Variants in SLC19A1 observed in about 807,000 individuals in gnomAD.
SLC19A1 encodes the protein reduced folate transporter.
A neutral mutation model predicts 35.3 loss-of-function variants in SLC19A1; 37 were observed. The ratio of observed to expected loss-of-function variants is 1.05; its 90% CI spans 0.81 to 1.38. SLC19A1 has a LOEUF of 1.38. Among genes scored for constraint, SLC19A1 ranks in the 40% most tolerant of loss-of-function variants. The probability of loss-of-function intolerance (pLI) is 0.00; values close to 1 mark genes in which losing one functional copy is unlikely to be tolerated. For synonymous variants in SLC19A1, 460 were observed against 398.5 expected, an observed-to-expected ratio of 1.15 and a Z score of -1.84; for missense variants, 831 against 826.9, an observed-to-expected ratio of 1.00 and a Z score of -0.06.
At chr21:45,512,298 CGCT>C, downstream of SLC19A1, 1 of 1,612,272 alleles carries the variant, frequency 6.2e-7, no homozygotes, top group Non-Finnish European at 8.5e-7. Context: ...CAGGCCTCCT[CGCT>C]GCTGGGGGGC....
chr21:45,557,490 G>A (rs2078574776), intron 1 of SLC19A1, among the ~76,000 whole-genome samples: 1 of 152,190 alleles, frequency 6.6e-6, no homozygotes, highest in Non-Finnish European at 1.5e-5. Context: ...TGGGCCCGGA[G>A]GCTGCTGGCA....
intron 1 of SLC19A1, among the ~76,000 whole-genome samples, chr21:45,538,497 C>A (rs1237854461): frequency 6.6e-6 from 1 of 152,150 alleles, no homozygotes; most frequent in African/African-American, 2.4e-5. Flanking sequence ...CAGGAACGGA[C>A]GCTGCTGGAG....
At chr21:45,558,544 G>A (rs1267012267) in intron 1 of SLC19A1, among the ~76,000 whole-genome samples, 2 of 152,310 alleles carry the variant, frequency 1.3e-5, no homozygotes, top group South Asian at 2.1e-4. Flanking sequence ...TTTCTTCTTC[G>A]TATGTGGCCA....
intron 1 of SLC19A1, among the ~76,000 whole-genome samples, chr21:45,539,505 G>A (rs1332184248): frequency 6.6e-6 from 1 of 152,220 alleles, no homozygotes; most frequent in African/African-American, 2.4e-5. Context: ...GGGGCTCAGA[G>A]CATCCCTCGA....
upstream of SLC19A1, among the ~76,000 whole-genome samples, chr21:45,545,901 G>A (rs797022179): frequency 1.5e-4 from 23 of 152,324 alleles, 1 homozygote; most frequent in African/African-American, 5.5e-4. Flanking sequence ...GGTGCGCCCT[G>A]TAAATGCCTT....
rs1203654966 is a variant in SLC19A1, at chr21:45,534,416, C to T, written c.190-2268G>A. 36 of 788,768 alleles carry T rather than the reference C, an allele frequency of 4.6e-5. No homozygotes were observed. Among genetic ancestry groups the T allele is most frequent in the Non-Finnish European group, 2.0e-6 (1 of 495,402 alleles). The allele number at this position is 788,768 out of a possible 1,614,324, so 48.9% of individuals were successfully genotyped here. A position where few individuals can be genotyped will look rare whatever the true frequency, so the allele number is the denominator to read the frequency against. On this transcript the variant is annotated intron_variant, in intron 2 of 5. Transcript: ENST00000311124. The surrounding 1 kb of genome is among the most constrained non-coding windows in gnomAD (Gnocchi z 4.2). ...GGGGCATGACAGCCCCAGCCCCTGGCCGGGGCACAGGTTCTGCCCACAGCC... is the reference window on the plus strand; with the variant it reads ...GGGGCATGACAGCCCCAGCCCCTGGTCGGGGCACAGGTTCTGCCCACAGCC...
At chr21:45,511,553 C>T (rs1446964156), downstream of SLC19A1, among the ~76,000 whole-genome samples, 1 of 152,124 alleles carries the variant, frequency 6.6e-6, no homozygotes, top group African/African-American at 2.4e-5. Context: ...GTTTATTCAC[C>T]GAGAATAAAC....
intron 5 of SLC19A1, among the ~76,000 whole-genome samples, chr21:45,521,008 G>A (rs1169941448): frequency 6.7e-5 from 9 of 134,478 alleles, no homozygotes; most frequent in South Asian, 2.4e-4. Context: ...CAACAAGAGC[G>A]AAACTCCATC....
Position 45,533,390 on chromosome 21 carries a change from G to A in SLC19A1, c.190-1242C>T, listed in dbSNP as rs1602843460. On this transcript the variant is annotated intron_variant, in intron 2 of 5. Transcript: ENST00000311124. The surrounding 1 kb of genome is among the most constrained non-coding windows in gnomAD (Gnocchi z 4.5). ...CAAACGTCCTCAGCTGTCTTGGCAG[G>A]GGCCAGGGCTGCTGTGGGCACACCT... Among the ~76,000 whole-genome samples, 1 of 152,176 alleles carries A rather than the reference G, an allele frequency of 6.6e-6. No homozygotes were observed. Among genetic ancestry groups the A allele is most frequent in the Non-Finnish European group, 1.5e-5 (1 of 68,008 alleles).
In SLC19A1 at chr21:45,531,708, G is replaced by A; in HGVS notation, c.630C>T (p.Leu210=). 6.2e-7 allele frequency: 1 copy of A among 1,612,856 alleles called. No individual in the cohort carries two copies. The highest frequency in any genetic ancestry group is 8.5e-7 in the Non-Finnish European group (1 of 1,179,746). The change falls in exon 3 of 6, where the codon CTC becomes CTT. Residue 210 remains leucine (L), a synonymous_variant. Coordinates refer to ENST00000311124, the MANE Select transcript of SLC19A1 (RefSeq NM_194255.4). ...ALFLKRPKRS[L]FFNRDDRGRC... is the part of the protein sequence containing the mutation. ...GCCCCCGGTCGTCGCGGTTGAAGAA[G>A]AGGCTGCGCTTGGGGCGCTTCAGGA...
intron 1 of SLC19A1, among the ~76,000 whole-genome samples, chr21:45,556,100 G>A (rs2078558950): frequency 6.6e-6 from 1 of 152,206 alleles, no homozygotes; most frequent in South Asian, 2.1e-4. Context: ...AGAGGGGCCT[G>A]AGCATCGGGC....
At chr21:45,524,829 A>G (rs1327127494) in intron 5 of SLC19A1, among the ~76,000 whole-genome samples, 17 of 83,942 alleles carry the variant, frequency 2.0e-4, no homozygotes, top group Admixed American at 1.3e-3. Flanking sequence ...GAGTGTTCAC[A>G]CCTGGGCCTC....
chr21:45,559,436 G>C (rs576503201), intron 1 of SLC19A1, among the ~76,000 whole-genome samples: 7 of 152,320 alleles, frequency 4.6e-5, no homozygotes, highest in Admixed American at 4.6e-4. Flanking sequence ...GGGGACCAGC[G>C]GTAGGCAGCA....
intron 5 of SLC19A1, among the ~76,000 whole-genome samples, chr21:45,521,156 C>T (rs2077428203): frequency 6.6e-6 from 1 of 152,204 alleles, no homozygotes; most frequent in African/African-American, 2.4e-5. Context: ...AACCTGCCAA[C>T]ACCTTAATCT....
Position 45,515,283 on chromosome 21 carries a change from G to A in SLC19A1, c.*375C>T. ...CTGCCCTAGAGGGCTCACAACTCCT[G>A]TGGGGCCAGTGTCCCCTGAGCTGGT... On this transcript the variant is annotated 3_prime_UTR_variant, in exon 6 of 6. Coordinates refer to ENST00000311124, the MANE Select transcript of SLC19A1 (RefSeq NM_194255.4). The A allele has an allele frequency of 1.3e-6, 2 of 1,481,918 alleles. No homozygotes were observed. The highest frequency in any genetic ancestry group is 1.8e-6 in the Non-Finnish European group (2 of 1,129,850). 91.8% of individuals were successfully genotyped at this position (1,481,918 alleles called of 1,614,324 possible).
intron 2 of SLC19A1, among the ~76,000 whole-genome samples, chr21:45,537,198 G>C: frequency 6.6e-6 from 1 of 152,154 alleles, no homozygotes; most frequent in East Asian, 1.9e-4. Context: ...CTCTCTGCAG[G>C]ACACAATATC....
At chr21:45,531,359 A>C (rs2077890050) in intron 3 of SLC19A1, 30 bp downstream of exon 3, 1 of 1,541,634 alleles carries the variant, frequency 6.5e-7, no homozygotes, top group South Asian at 1.3e-5. Flanking sequence ...CCTCTGCGGG[A>C]AGAAGCCTCG....
intron 5 of SLC19A1, among the ~76,000 whole-genome samples, chr21:45,522,759 T>C (rs2077475086): frequency 6.6e-6 from 1 of 152,176 alleles, no homozygotes; most frequent in Non-Finnish European, 1.5e-5. Context: ...TAGCCGTGTT[T>C]ATACAACACT....
chr21:45,509,620 T>C (rs1359201667), downstream of SLC19A1: 2 of 1,337,046 alleles, frequency 1.5e-6, no homozygotes, highest in Non-Finnish European at 2.1e-6. Context: ...CCCCCCAAAG[T>C]GGGCTTGGCT....
Sources: gnomAD v4.1 joint callset for allele counts (sites outside exome capture counted in the v4.1 genomes callset) on GRCh38, gnomAD v4.1.1 for gene constraint, Gnocchi (gnomAD v3.1) non-coding constraint, MANE v1.5 for transcripts, NCBI Gene and HGNC (gene_info 2026-07-23, HGNC 2026-07-21) for gene names.